The following NDST3 variants were observed in gnomAD, a reference collection of about 807,000 sequenced individuals.
NDST3 encodes N-deacetylase and N-sulfotransferase 3.
In NDST3, 58 loss-of-function variants were observed where a neutral mutation model predicts 96.1. The observed-to-expected ratio is 0.60, with a 90% CI of 0.49 to 0.75. The LOEUF is 0.75. Ranked by LOEUF, NDST3 falls within the 30% of genes least tolerant of loss-of-function variation. The pLI, the probability that NDST3 is intolerant of heterozygous loss-of-function variation, is 0.00. For missense variants in NDST3, 788 were observed against 1,034.2 expected (o/e 0.76, Z 3.27); for synonymous variants, 333 against 359.7 (o/e 0.93, Z 0.84).
intron 12 of NDST3, among the ~76,000 whole-genome samples, chr4:118,248,351 A>G (rs1256791128): frequency 6.6e-6 from 1 of 150,674 alleles, no homozygotes. Context: ...ACTCCATCTC[A>G]AAAAAAAGAA....
chr4:118,100,619 T>A (rs1359701831), intron 2 of NDST3, among the ~76,000 whole-genome samples: 1 of 152,126 alleles, frequency 6.6e-6, no homozygotes, highest in Non-Finnish European at 1.5e-5. Context: ...TTGTCTTCGT[T>A]TCTGGAAGAT....
intron 6 of NDST3, chr4:118,194,658 C>G: frequency 1.5e-6 from 1 of 662,484 alleles, no homozygotes; most frequent in Non-Finnish European, 2.8e-6. Context: ...CTTCAGCATG[C>G]CTTCCTCCTG....
chr4:118,194,438 G>A, intron 6 of NDST3: 2 of 734,796 alleles, frequency 2.7e-6, no homozygotes, highest in South Asian at 1.4e-5. Flanking sequence ...TGGTTTGCAG[G>A]TGATATGGCA....
intron 2 of NDST3, among the ~76,000 whole-genome samples, chr4:118,062,131 T>G (rs970787670): frequency 6.6e-6 from 1 of 152,218 alleles, no homozygotes; most frequent in Non-Finnish European, 1.5e-5. Flanking sequence ...TAGGCTGAAC[T>G]GAAATTATGT....
At chr4:118,225,315 GAATTTA>G in intron 7 of NDST3, among the ~76,000 whole-genome samples, 1 of 152,236 alleles carries the variant, frequency 6.6e-6, no homozygotes, top group South Asian at 2.1e-4. Flanking sequence ...GAACAACTTT[GAATTTA>G]AATTGTCCAC....
chr4:118,063,982 T>A (rs2110472910), intron 2 of NDST3, among the ~76,000 whole-genome samples: 1 of 152,298 alleles, frequency 6.6e-6, no homozygotes, highest in African/African-American at 2.4e-5. Context: ...TCTGTTATAG[T>A]TTGATGGGTT....
At chr4:118,051,086 T>A (rs1725048589) in intron 1 of NDST3, among the ~76,000 whole-genome samples, 1 of 152,134 alleles carries the variant, frequency 6.6e-6, no homozygotes, top group African/African-American at 2.4e-5. Flanking sequence ...AATCATCTGA[T>A]CTTTGGCAAG....
At chr4:118,175,912 T>C (rs1181868051) in intron 6 of NDST3, among the ~76,000 whole-genome samples, 1 of 152,106 alleles carries the variant, frequency 6.6e-6, no homozygotes, top group Non-Finnish European at 1.5e-5. Flanking sequence ...GTGTGTCTTT[T>C]TCTCTGTGCC....
chr4:118,185,494 C>T (rs758363383), intron 6 of NDST3, among the ~76,000 whole-genome samples: 32 of 150,378 alleles, frequency 2.1e-4, no homozygotes, highest in Admixed American at 1.9e-3. Context: ...TTATAACATA[C>T]ATATGATATA....
At chr4:118,092,092 T>C (rs991602202) in intron 2 of NDST3, among the ~76,000 whole-genome samples, 4 of 147,056 alleles carry the variant, frequency 2.7e-5, no homozygotes, top group African/African-American at 9.8e-5. Context: ...TTTTAAGTTC[T>C]AGGGTACATG....
intron 6 of NDST3, among the ~76,000 whole-genome samples, chr4:118,157,331 AT>A (rs1478999052): frequency 2.0e-5 from 3 of 151,858 alleles, no homozygotes; most frequent in African/African-American, 7.2e-5. Context: ...AGAAAACTAC[AT>A]TTAAAATGGG....
chr4:118,141,607 T>C (rs933010675), intron 5 of NDST3, among the ~76,000 whole-genome samples: 1 of 152,196 alleles, frequency 6.6e-6, no homozygotes, highest in African/African-American at 2.4e-5. Context: ...AGCTAGGCAA[T>C]CAAGTCCCAA....
At chr4:118,108,162 T>C (rs1161899913) in intron 3 of NDST3, among the ~76,000 whole-genome samples, 2 of 152,176 alleles carry the variant, frequency 1.3e-5, no homozygotes, top group Admixed American at 1.3e-4. Context: ...ATGATTCAAT[T>C]ATCTCCAACC....
chr4:118,197,980 A>G (rs1289341069), intron 6 of NDST3, among the ~76,000 whole-genome samples: 1 of 151,640 alleles, frequency 6.6e-6, no homozygotes. Context: ...TTGTATTTTT[A>G]GTAGAGACAG....
chr4:118,182,044 G>A (rs1736639906), intron 6 of NDST3, among the ~76,000 whole-genome samples: 2 of 152,090 alleles, frequency 1.3e-5, no homozygotes, highest in Admixed American at 6.6e-5. Context: ...CCCAAAGACA[G>A]CCAAAAGAGA....
chr4:118,255,435 A>G (rs992401075), intron 13 of NDST3, among the ~76,000 whole-genome samples, 158 bp from the exon 14 acceptor site: 1 of 151,610 alleles, frequency 6.6e-6, no homozygotes, highest in Non-Finnish European at 1.5e-5. Context: ...CAAGACTGTC[A>G]GTAAAATATC....
chr4:118,176,076 AG>A lies in NDST3; in HGVS notation c.1539+32394del, dbSNP rs536660437. On this transcript the variant is annotated intron_variant, in intron 6 of 13. Coordinates refer to ENST00000296499, the MANE Select transcript of NDST3 (RefSeq NM_004784.3). Reference sequence around the variant, plus strand: ...TTTAGTAAAAAGTTTGCCATATTAAAGGTTAAAATTTTTGGCAATTTTTTGT... The same window carrying A: ...TTTAGTAAAAAGTTTGCCATATTAAAGTTAAAATTTTTGGCAATTTTTTGT... Among the ~76,000 whole-genome samples the A allele has an allele frequency of 2.8e-4, 42 of 152,216 alleles. No homozygotes were observed. The South Asian group carries it at 8.3e-3, about 30-fold the overall frequency.
At chr4:118,039,835 T>C (rs546131124) in intron 1 of NDST3, among the ~76,000 whole-genome samples, 29 of 152,072 alleles carry the variant, frequency 1.9e-4, no homozygotes, top group Non-Finnish European at 3.1e-4. Context: ...GCCTGGAACT[T>C]AGAAGGGAGA....
chr4:118,090,874 T>C (rs1195308499), intron 2 of NDST3, among the ~76,000 whole-genome samples: 1 of 151,828 alleles, frequency 6.6e-6, no homozygotes, highest in Admixed American at 6.6e-5. Context: ...AGGGTCTGAT[T>C]GGATGAGATG....
Sources: allele counts gnomAD v4.1 joint callset (sites outside exome capture counted in the v4.1 genomes callset), GRCh38; gene constraint gnomAD v4.1.1; transcripts MANE v1.5; gene names NCBI Gene and HGNC (gene_info 2026-07-23, HGNC 2026-07-21).